The following CTNNA3 variants were observed in gnomAD, a reference collection of about 807,000 sequenced individuals.
The protein encoded by CTNNA3 is catenin alpha 3.
Under a neutral mutation model 95.7 loss-of-function variants are expected in CTNNA3, and 76 were observed. The observed-to-expected ratio is 0.79, with a 90% confidence interval of 0.66 to 0.96. The LOEUF (loss-of-function observed/expected upper bound fraction) is 0.96. Among genes scored for constraint, CTNNA3 ranks in the 40% least tolerant of loss-of-function variants. The pLI, the probability that CTNNA3 is intolerant of heterozygous loss-of-function variation, is 0.00. For synonymous variants in CTNNA3, 431 were observed against 374.4 expected, an observed-to-expected ratio of 1.15 and a Z score of -1.74; for missense variants, 1,191 against 1,089.8, an observed-to-expected ratio of 1.09 and a Z score of -1.31.
At chr10:65,964,874 A>G (rs1318475710) in intron 17 of CTNNA3, among the ~76,000 whole-genome samples, 1 of 152,296 alleles carries the variant, frequency 6.6e-6, no homozygotes, top group East Asian at 1.9e-4. Context: ...ATATTAATAC[A>G]TATGCATCTA....
intron 2 of CTNNA3, among the ~76,000 whole-genome samples, chr10:67,638,608 A>G (rs1839409995): frequency 6.6e-6 from 1 of 152,228 alleles, no homozygotes; most frequent in South Asian, 2.1e-4. Flanking sequence ...CATAGTTGGA[A>G]GTAAAGCACT....
At chr10:66,736,887 T>C (rs1166377280) in intron 9 of CTNNA3, among the ~76,000 whole-genome samples, 1 of 152,174 alleles carries the variant, frequency 6.6e-6, no homozygotes, top group Non-Finnish European at 1.5e-5. Flanking sequence ...TTTTGGTAAA[T>C]AGTTGAAAAA....
At chr10:66,377,379 A>G (rs1276846160) in intron 12 of CTNNA3, among the ~76,000 whole-genome samples, 1 of 152,106 alleles carries the variant, frequency 6.6e-6, no homozygotes, top group Admixed American at 6.6e-5. Context: ...GTGATAATGT[A>G]GCCATATGGA....
At chr10:67,615,728 T>C (rs1056453828) in intron 2 of CTNNA3, among the ~76,000 whole-genome samples, 1 of 148,674 alleles carries the variant, frequency 6.7e-6, no homozygotes, top group Non-Finnish European at 1.5e-5. Flanking sequence ...AGTGGTGCTA[T>C]CTTGGCTCAC....
At chr10:67,652,874 C>T (rs1475167015) in intron 1 of CTNNA3, among the ~76,000 whole-genome samples, 1 of 152,170 alleles carries the variant, frequency 6.6e-6, no homozygotes, top group African/African-American at 2.4e-5. Context: ...GCATGTCCTG[C>T]CAGACCTAGC....
chr10:67,743,633 T>G (rs576884610), intron 1 of CTNNA3, among the ~76,000 whole-genome samples: 2 of 151,362 alleles, frequency 1.3e-5, no homozygotes, highest in East Asian at 3.9e-4. Flanking sequence ...TTCAACATAG[T>G]GTTGAAAGTT....
chr10:66,474,795 AT>A (rs1378232657), intron 11 of CTNNA3, among the ~76,000 whole-genome samples: 2 of 152,080 alleles, frequency 1.3e-5, no homozygotes, highest in Non-Finnish European at 2.9e-5. Flanking sequence ...ATGATTAGTG[AT>A]GCCGAACATT....
chr10:67,269,961 C>T (rs527478725), intron 5 of CTNNA3, among the ~76,000 whole-genome samples: 15 of 151,944 alleles, frequency 9.9e-5, no homozygotes, highest in Non-Finnish European at 1.3e-4. Context: ...ATATCTTATG[C>T]CTTTGAGGTC....
At chr10:67,083,281 G>A (rs1378872434) in intron 7 of CTNNA3, among the ~76,000 whole-genome samples, 1 of 152,050 alleles carries the variant, frequency 6.6e-6, no homozygotes, top group Non-Finnish European at 1.5e-5. Context: ...CCAAATAGCT[G>A]CCTTTTCATT....
chr10:66,360,113 C>T (rs912796936), intron 12 of CTNNA3, among the ~76,000 whole-genome samples: 1 of 152,098 alleles, frequency 6.6e-6, no homozygotes, highest in Non-Finnish European at 1.5e-5. Context: ...AGGCATGAGC[C>T]ATCGCACCTG....
intron 5 of CTNNA3, among the ~76,000 whole-genome samples, chr10:67,459,333 G>T (rs1034095952): frequency 6.6e-6 from 1 of 152,150 alleles, no homozygotes; most frequent in African/African-American, 2.4e-5. Flanking sequence ...CATCATGTCC[G>T]AATATCAGGC....
chr10:67,638,002 C>A (rs1839383843), intron 2 of CTNNA3, among the ~76,000 whole-genome samples: 1 of 152,172 alleles, frequency 6.6e-6, no homozygotes, highest in Admixed American at 6.5e-5. Context: ...GGATCAAATT[C>A]ACACATAACA....
intron 7 of CTNNA3, among the ~76,000 whole-genome samples, chr10:66,949,191 C>T (rs1848416154): frequency 6.6e-6 from 1 of 152,096 alleles, no homozygotes; most frequent in South Asian, 2.1e-4. Flanking sequence ...ATATATTTTG[C>T]CAAATCAATA....
intron 13 of CTNNA3, among the ~76,000 whole-genome samples, chr10:66,200,857 A>G (rs2087354658): frequency 6.6e-6 from 1 of 152,194 alleles, no homozygotes; most frequent in African/African-American, 2.4e-5. Flanking sequence ...TTTGTAGAAA[A>G]CATTTCACCT....
At chr10:67,457,915 G>T (rs1302484917) in intron 5 of CTNNA3, among the ~76,000 whole-genome samples, 1 of 152,068 alleles carries the variant, frequency 6.6e-6, no homozygotes, top group Non-Finnish European at 1.5e-5. Context: ...CAGGTCCATT[G>T]ATTAGCAACT....
At chr10:66,551,583 G>A (rs1196732851) in intron 10 of CTNNA3, among the ~76,000 whole-genome samples, 3 of 151,988 alleles carry the variant, frequency 2.0e-5, no homozygotes, top group Admixed American at 2.0e-4. Context: ...TGTTACATTA[G>A]TAATTCCTTT....
chr10:66,670,925 C>T (rs925891420), intron 9 of CTNNA3, among the ~76,000 whole-genome samples: 5 of 152,158 alleles, frequency 3.3e-5, no homozygotes, highest in African/African-American at 1.2e-4. Flanking sequence ...TATTTGATTA[C>T]TCAAGTGGAT....
In CTNNA3 at chr10:65,920,489, G is replaced by A. The variant is rs768138061; in HGVS notation, c.2529C>T (p.His843=). 1.2e-6 allele frequency: 2 copies of A among 1,614,102 alleles called. No individual in the cohort carries two copies. Among genetic ancestry groups the A allele is most frequent in the Non-Finnish European group, 8.5e-7 (1 of 1,180,024 alleles). ...IRIQSPAGPR[H]PVVMWRMKAP... Reference sequence around the variant, plus strand: ...CCTTCATTCTCCACATCACAACTGGGTGCCGGGGCCCAGCAGGACTCTGGA... The same window carrying A: ...CCTTCATTCTCCACATCACAACTGGATGCCGGGGCCCAGCAGGACTCTGGA... Residue 843 remains histidine, a synonymous_variant, in exon 18 of 18, where the codon CAC becomes CAT. Transcript: ENST00000433211.
intron 5 of CTNNA3, among the ~76,000 whole-genome samples, chr10:67,237,119 G>GATA (rs1865500159): frequency 2.2e-5 from 1 of 45,174 alleles, no homozygotes; most frequent in Non-Finnish European, 4.5e-5. Flanking sequence ...AAGAAACTAT[G>GATA]GTGTATGTAT....
Sources: gnomAD v4.1 joint callset for allele counts (sites outside exome capture counted in the v4.1 genomes callset) on GRCh38, gnomAD v4.1.1 for gene constraint, MANE v1.5 for transcripts, NCBI Gene and HGNC (gene_info 2026-07-23, HGNC 2026-07-21) for gene names.